The following GPRC5C variants were observed in gnomAD, a reference collection of about 807,000 sequenced individuals.
The protein encoded by GPRC5C is G protein-coupled receptor family C group 5 member C.
Under a neutral mutation model 31.4 loss-of-function variants are expected in GPRC5C, and 22 were observed. The observed-to-expected ratio is 0.70, with a 90% CI of 0.50 to 1.00. The LOEUF is 1.00. GPRC5C is among the 50% of genes least tolerant of loss of function. The pLI is 0.00. For synonymous variants in GPRC5C, 249 were observed against 257.5 expected (o/e 0.97, Z 0.32); for missense variants, 557 against 597.2 (o/e 0.93, Z 0.70).
rs755471163 is a variant in GPRC5C, at chr17:74,440,868, C to G, written c.1051+41C>G. 1 of 1,431,890 alleles carries G rather than the reference C, an allele frequency of 7.0e-7. No homozygotes were observed. Among genetic ancestry groups the G allele is most frequent in the Non-Finnish European group, 9.2e-7 (1 of 1,085,592 alleles). 88.7% of individuals were successfully genotyped at this position (1,431,890 alleles called of 1,614,324 possible). On this transcript the variant is annotated intron_variant, in intron 2 of 3. Coordinates refer to ENST00000392627, the MANE Select transcript of GPRC5C (RefSeq NM_022036.4). This position sits in a 1 kb window ranked among gnomAD's most constrained non-coding sequence, Gnocchi z 4.4. ...TGCCCCCAGTGGCCCCTTTCTCCAT[C>G]CCATGTCTTTTACTGCAGGACAGGG...
At chr17:74,441,551 G>A (rs758108933) in intron 2 of GPRC5C, among the ~76,000 whole-genome samples, 1 of 152,058 alleles carries the variant, frequency 6.6e-6, no homozygotes, top group East Asian at 1.9e-4. Flanking sequence ...CCGGCTGGGC[G>A]CCATGGCTCA....
rs2055641848 is a variant in GPRC5C at position 74,446,746 on chromosome 17, G to T, written c.1147-103G>T. On this transcript the variant is annotated intron_variant, in intron 3 of 3. Transcript: ENST00000392627. ...CAGAGGAGCCGAGGGGGGAGTTGGGGGGGATCTGGCAGTCCCAGCCCTGCA... is the reference window on the plus strand; with the variant it reads ...CAGAGGAGCCGAGGGGGGAGTTGGGTGGGATCTGGCAGTCCCAGCCCTGCA... 8.9e-6 allele frequency: 8 copies of T among 900,864 alleles called. No individual in the cohort carries two copies. The South Asian group carries it at 1.3e-4, about 14-fold the overall frequency. 55.8% of individuals were successfully genotyped at this position (900,864 alleles called of 1,614,324 possible).
chr17:74,449,521 G>T, downstream of GPRC5C: 1 of 379,478 alleles, frequency 2.6e-6, no homozygotes. Flanking sequence ...CCCCCGTGAA[G>T]CCCTGAGTGT....
chr17:74,441,231 C>T (rs1025193419), intron 2 of GPRC5C, among the ~76,000 whole-genome samples: 1 of 151,744 alleles, frequency 6.6e-6, no homozygotes, highest in Non-Finnish European at 1.5e-5. Flanking sequence ...GAGCCAAAAT[C>T]GAGCCACTAC....
rs1051374536 is a variant in GPRC5C at position 74,447,010 on chromosome 17, C to T, written c.1308C>T (p.Asn436=). The change falls in exon 4 of 4, where the codon AAC becomes AAT. Residue 436 remains asparagine, a synonymous_variant. Transcript: ENST00000392627. ...GCAAGAACTCTCAGGTCTTTAGAAA[C>T]CCCTACGTGTGGGACTGAGTCAGCG... ...KDGKNSQVFR[N]PYVWD The T allele has an allele frequency of 2.5e-6, 4 of 1,613,580 alleles. No individual in the cohort carries two copies. Among genetic ancestry groups the T allele is most frequent in the Non-Finnish European group, 3.4e-6 (4 of 1,179,622 alleles).
intron 1 of GPRC5C, among the ~76,000 whole-genome samples, chr17:74,435,978 C>T (rs1365241312): frequency 6.6e-6 from 1 of 152,214 alleles, no homozygotes; most frequent in East Asian, 1.9e-4. Context: ...TGGCCTTGAC[C>T]TTTAAACTGG....
At chr17:74,446,007 C>T in intron 3 of GPRC5C, 2 of 83,946 alleles carry the variant, frequency 2.4e-5, no homozygotes, top group Non-Finnish European at 2.1e-5. Flanking sequence ...CCCACCATCT[C>T]TACAAAAAAA....
At chr17:74,432,229 G>A (rs1469439897) in intron 1 of GPRC5C, 88 bp downstream of exon 1, 26 of 1,546,146 alleles carry the variant, frequency 1.7e-5, no homozygotes, top group Non-Finnish European at 2.2e-5. Context: ...CCCGATTAGC[G>A]CCCTGAATGG....
chr17:74,446,457 A>G (rs2055636928), intron 3 of GPRC5C: 1 of 162,700 alleles, frequency 6.1e-6, no homozygotes, highest in Non-Finnish European at 1.3e-5. Flanking sequence ...GTCTCAAAAA[A>G]AAAAAAAAAG....
At chr17:74,449,018 G>C (rs1238047986), downstream of GPRC5C, 1 of 645,318 alleles carries the variant, frequency 1.5e-6, no homozygotes. Context: ...CTGCCAGGCC[G>C]GCCCCGGGGA....
chr17:74,432,371 C>G (rs2055364662), intron 1 of GPRC5C: 2 of 1,343,198 alleles, frequency 1.5e-6, no homozygotes, highest in Non-Finnish European at 1.9e-6. Context: ...GAGAGGCAGG[C>G]CCTGCGTCCC....
chr17:74,443,697 A>C, intron 2 of GPRC5C, 121 bp from the exon 3 acceptor site: 1 of 820,142 alleles, frequency 1.2e-6, no homozygotes, highest in Non-Finnish European at 2.1e-6. Flanking sequence ...AGACTATGCC[A>C]GGGTTGGCCT....
downstream of GPRC5C, chr17:74,449,975 C>T (rs1010959269): frequency 6.6e-6 from 1 of 152,482 alleles, no homozygotes; most frequent in African/African-American, 2.4e-5. Flanking sequence ...CTCTCCACGG[C>T]CTGTGGGTCC....
rs574617791 is a variant in GPRC5C, at chr17:74,436,278, G to A, written c.-32-3467G>A. Among the ~76,000 whole-genome samples the A allele has an allele frequency of 3.9e-5, 6 of 152,256 alleles. No individual in the cohort carries two copies. The South Asian group carries it at 1.2e-3, about 32-fold the overall frequency. ...TGATTCACACCATCTTTTCTGCCTT[G>A]CACGTCCCTCTCCTTGTTCCCTTCA... On this transcript the variant is annotated intron_variant, in intron 1 of 3. Transcript: ENST00000392627.
chr17:74,432,093 C>T lies in GPRC5C; in HGVS notation c.-81C>T, dbSNP rs765864992. 9 of 1,613,392 alleles carry T rather than the reference C, an allele frequency of 5.6e-6. No individual in the cohort carries two copies. Among genetic ancestry groups the T allele is most frequent in the Non-Finnish European group, 7.6e-6 (9 of 1,179,886 alleles). ...ACCCACACGCCGGCAGGGCCAGAAACTCCCATCTCCCTCACCAGCCGGAAA... is the reference window on the plus strand; with the variant it reads ...ACCCACACGCCGGCAGGGCCAGAAATTCCCATCTCCCTCACCAGCCGGAAA... On this transcript the variant is annotated 5_prime_UTR_variant, in exon 1 of 4. Coordinates refer to ENST00000392627, the MANE Select transcript of GPRC5C (RefSeq NM_022036.4).
downstream of GPRC5C, chr17:74,451,278 T>G (rs2055710771): frequency 6.6e-6 from 1 of 152,132 alleles, no homozygotes; most frequent in Admixed American, 6.6e-5. Flanking sequence ...CCAGTGGACG[T>G]GGGTGTGTGT....
At chr17:74,441,938 A>G (rs939755671) in intron 2 of GPRC5C, among the ~76,000 whole-genome samples, 5 of 152,202 alleles carry the variant, frequency 3.3e-5, no homozygotes, top group Non-Finnish European at 5.9e-5. Flanking sequence ...TTGTTTTTCT[A>G]TTATGTATGT....
chr17:74,446,741 T>C lies in GPRC5C; in HGVS notation c.1147-108T>C, dbSNP rs1439686546. The C allele has an allele frequency of 7.1e-6, 6 of 847,026 alleles. No homozygotes were observed. In the Admixed American group the frequency reaches 7.1e-5, roughly 10 times the overall value. 52.5% of individuals were successfully genotyped at this position (847,026 alleles called of 1,614,324 possible). On this transcript the variant is annotated intron_variant, in intron 3 of 3. Coordinates refer to ENST00000392627, the MANE Select transcript of GPRC5C (RefSeq NM_022036.4). ...GGGGGCAGAGGAGCCGAGGGGGGAG[T>C]TGGGGGGGATCTGGCAGTCCCAGCC...
intron 1 of GPRC5C, among the ~76,000 whole-genome samples, chr17:74,436,106 T>C (rs1314781574): frequency 6.6e-6 from 1 of 152,216 alleles, no homozygotes; most frequent in African/African-American, 2.4e-5. Context: ...TGGCTGCCTG[T>C]TGCCTTTAGG....
Sources: gnomAD v4.1 joint callset for allele counts (sites outside exome capture counted in the v4.1 genomes callset) on GRCh38, gnomAD v4.1.1 for gene constraint, Gnocchi (gnomAD v3.1) non-coding constraint, MANE v1.5 for transcripts, NCBI Gene and HGNC (gene_info 2026-07-23, HGNC 2026-07-21) for gene names.